The following LRRC4C variants were observed in gnomAD, a reference collection of about 807,000 sequenced individuals.
LRRC4C encodes leucine-rich repeat-containing protein 4C.
In LRRC4C, 5 loss-of-function variants were observed where a neutral mutation model predicts 33.6. That is an observed-to-expected ratio of 0.15 (90% CI 0.08 to 0.31). The LOEUF (loss-of-function observed/expected upper bound fraction) is 0.31, where lower values mean the gene tolerates loss of function less well. Among genes scored for constraint, LRRC4C ranks in the 10% least tolerant of loss-of-function variants. The pLI is 1.00. For synonymous variants in LRRC4C, 329 were observed against 302.0 expected (o/e 1.09, Z -0.93); for missense variants, 560 against 796.7 (o/e 0.70, Z 3.58).
chr11:40,596,332 C>T (rs1026993595), intron 3 of LRRC4C, among the ~76,000 whole-genome samples: 2 of 152,018 alleles, frequency 1.3e-5, no homozygotes, highest in African/African-American at 2.4e-5. Flanking sequence ...GATACATAAT[C>T]GTTGTATATA....
chr11:40,381,799 G>A (rs1269189237), intron 3 of LRRC4C, among the ~76,000 whole-genome samples: 1 of 151,944 alleles, frequency 6.6e-6, no homozygotes, highest in Non-Finnish European at 1.5e-5. Context: ...TCATTGGGAC[G>A]CTGGCTGAAG....
chr11:40,432,342 C>T lies in LRRC4C; in HGVS notation c.-269-112621G>A, dbSNP rs933987074. On this transcript the variant is annotated intron_variant, in intron 3 of 6. Coordinates refer to ENST00000528697, the MANE Select transcript of LRRC4C (RefSeq NM_001258419.2). The stretch of plus-strand genomic sequence containing the variant: ...TACTTCAGTCCATTCCAATCTCTCC[C>T]TATGTACTGGTTACTCACAGTATAT... Among the ~76,000 whole-genome samples the T allele has an allele frequency of 1.4e-4, 21 of 152,158 alleles. 1 individual carries two copies. Among genetic ancestry groups the T allele is most frequent in the Non-Finnish European group, 1.3e-4 (9 of 68,026 alleles).
At chr11:40,308,784 C>T (rs765240831) in intron 4 of LRRC4C, among the ~76,000 whole-genome samples, 1 of 152,056 alleles carries the variant, frequency 6.6e-6, no homozygotes, top group Non-Finnish European at 1.5e-5. Flanking sequence ...TCAGCAGTGA[C>T]GGAAGTAGAG....
chr11:41,105,969 C>T (rs560176037), intron 1 of LRRC4C, among the ~76,000 whole-genome samples: 54 of 152,144 alleles, frequency 3.5e-4, no homozygotes, highest in Middle Eastern at 6.8e-3. Flanking sequence ...CAGTCTCTTG[C>T]CTTTTTTGTA....
intron 3 of LRRC4C, among the ~76,000 whole-genome samples, chr11:40,450,536 T>C (rs1302519547): frequency 6.6e-6 from 1 of 152,034 alleles, no homozygotes; most frequent in Non-Finnish European, 1.5e-5. Flanking sequence ...AAAACTGAAA[T>C]AAGGGAACAG....
chr11:40,745,403 T>C (rs1037335776), intron 2 of LRRC4C, among the ~76,000 whole-genome samples: 1 of 152,182 alleles, frequency 6.6e-6, no homozygotes, highest in African/African-American at 2.4e-5. Flanking sequence ...ATTTTCAAAG[T>C]ATATTGGTAT....
chr11:40,119,138 A>G (rs1238789915), intron 6 of LRRC4C, among the ~76,000 whole-genome samples: 1 of 152,198 alleles, frequency 6.6e-6, no homozygotes, highest in Non-Finnish European at 1.5e-5. Flanking sequence ...CAGAAGGTAG[A>G]GAAGAGGCTT....
Position 41,241,790 on chromosome 11 carries a change from A to G in LRRC4C, c.-496+217641T>C, listed in dbSNP as rs563781400. Among the ~76,000 whole-genome samples the G allele has an allele frequency of 2.6e-5, 4 of 152,214 alleles. No individual in the cohort carries two copies. The South Asian group carries it at 8.3e-4, about 32-fold the overall frequency. Reference sequence around the variant, plus strand: ...TCTGTGGCGACCGGTCTATCTTTTGAAAGGAAGAAATGGTTAGAAATGGTT... The same window carrying G: ...TCTGTGGCGACCGGTCTATCTTTTGGAAGGAAGAAATGGTTAGAAATGGTT... On this transcript the variant is annotated intron_variant, in intron 1 of 6. Coordinates refer to ENST00000528697, the MANE Select transcript of LRRC4C (RefSeq NM_001258419.2).
intron 1 of LRRC4C, among the ~76,000 whole-genome samples, chr11:41,062,804 GAC>G (rs911183030): frequency 6.6e-6 from 1 of 152,040 alleles, no homozygotes; most frequent in Admixed American, 6.6e-5. Flanking sequence ...CTTAAAAGAA[GAC>G]ACAACAGAGA....
intron 6 of LRRC4C, among the ~76,000 whole-genome samples, chr11:40,119,069 A>G (rs1437527666): frequency 6.6e-6 from 1 of 152,142 alleles, no homozygotes. Flanking sequence ...TTTTTAGGAC[A>G]TGATCCTTTC....
chr11:41,306,654 A>G (rs1299256319), intron 1 of LRRC4C, among the ~76,000 whole-genome samples: 1 of 152,216 alleles, frequency 6.6e-6, no homozygotes, highest in African/African-American at 2.4e-5. Flanking sequence ...ACTGATGGTG[A>G]TGAGTAATAT....
chr11:40,983,096 C>T (rs1852655794), intron 1 of LRRC4C, among the ~76,000 whole-genome samples: 1 of 152,074 alleles, frequency 6.6e-6, no homozygotes, highest in African/African-American at 2.4e-5. Context: ...TAGGTTGATT[C>T]CCTGTCTTTG....
chr11:40,133,132 C>T (rs1856755956), intron 6 of LRRC4C, among the ~76,000 whole-genome samples: 1 of 152,110 alleles, frequency 6.6e-6, no homozygotes, highest in Non-Finnish European at 1.5e-5. Context: ...GGATTGATGA[C>T]TGGCTGGGAG....
chr11:40,623,338 G>T (rs1453367972), intron 3 of LRRC4C, among the ~76,000 whole-genome samples: 1 of 151,922 alleles, frequency 6.6e-6, no homozygotes, highest in Non-Finnish European at 1.5e-5. Flanking sequence ...AAATATTGAG[G>T]TATATAATTA....
chr11:41,034,764 T>G (rs1361742393), intron 1 of LRRC4C, among the ~76,000 whole-genome samples: 2 of 149,234 alleles, frequency 1.3e-5, no homozygotes, highest in African/African-American at 4.9e-5. Flanking sequence ...AGTGGTCAAG[T>G]ATGCCACATC....
At chr11:40,358,321 C>T (rs763355287) in intron 3 of LRRC4C, among the ~76,000 whole-genome samples, 87 of 152,242 alleles carry the variant, frequency 5.7e-4, no homozygotes, top group Non-Finnish European at 1.0e-3. Flanking sequence ...CACTCTGTTG[C>T]CCAGGCTGGA....
intron 2 of LRRC4C, among the ~76,000 whole-genome samples, chr11:40,665,939 G>T (rs1290480176): frequency 1.3e-5 from 2 of 151,980 alleles, no homozygotes; most frequent in South Asian, 2.1e-4. Flanking sequence ...ATACATAAGT[G>T]TTATTTATAT....
intron 3 of LRRC4C, among the ~76,000 whole-genome samples, chr11:40,466,759 C>A (rs1323453533): frequency 1.3e-5 from 2 of 151,678 alleles, no homozygotes; most frequent in East Asian, 3.9e-4. Context: ...AATATAAGGG[C>A]AAAGAAAGGA....
At chr11:40,523,381 G>GTGTTTT (rs1393315757) in intron 3 of LRRC4C, among the ~76,000 whole-genome samples, 5 of 151,182 alleles carry the variant, frequency 3.3e-5, no homozygotes, top group Non-Finnish European at 7.4e-5. Flanking sequence ...TCAGGTTTTT[G>GTGTTTT]TGTTTTTGTT....
Sources: allele counts gnomAD v4.1 joint callset (sites outside exome capture counted in the v4.1 genomes callset), GRCh38; gene constraint gnomAD v4.1.1; transcripts MANE v1.5; gene names NCBI Gene and HGNC (gene_info 2026-07-23, HGNC 2026-07-21).